Variants in FBXL13 observed in about 807,000 individuals in gnomAD.
The protein encoded by FBXL13 is F-box and leucine-rich repeat protein 13.
In FBXL13, 67 loss-of-function variants were observed where a neutral mutation model predicts 83.6. That is an observed-to-expected ratio of 0.80 (90% CI 0.66 to 0.98). The LOEUF is 0.98. Ranked by LOEUF, FBXL13 falls within the 50% of genes least tolerant of loss-of-function variation. The pLI, the probability that FBXL13 is intolerant of heterozygous loss-of-function variation, is 0.00. For missense variants in FBXL13, 822 were observed against 866.5 expected (o/e 0.95, Z 0.64); for synonymous variants, 272 against 299.5 (o/e 0.91, Z 0.95).
intron 10 of FBXL13, among the ~76,000 whole-genome samples, chr7:102,924,659 T>G (rs1339420709): frequency 1.3e-5 from 2 of 149,900 alleles, no homozygotes; most frequent in East Asian, 3.9e-4. Context: ...TTTTTTTTTT[T>G]GAGATGGGGT....
At chr7:103,037,672 A>C (rs1196595348) in intron 2 of FBXL13, among the ~76,000 whole-genome samples, 2 of 151,854 alleles carry the variant, frequency 1.3e-5, no homozygotes, top group Non-Finnish European at 2.9e-5. Context: ...CAGGTGTGGT[A>C]GCTCACATCT....
chr7:102,835,229 T>A (rs1369977924), intron 17 of FBXL13, among the ~76,000 whole-genome samples: 1 of 152,210 alleles, frequency 6.6e-6, no homozygotes, highest in Non-Finnish European at 1.5e-5. Context: ...CATGAAAGTC[T>A]GTCTTGTCTG....
intron 16 of FBXL13, among the ~76,000 whole-genome samples, chr7:102,867,695 A>ATTTTTTTTTTTT (rs1205859622): frequency 2.0e-5 from 1 of 49,064 alleles, no homozygotes; most frequent in African/African-American, 1.2e-4. Context: ...ATATATATAT[A>ATTTTTTTTTTTT]TTTTTTTTTT....
At chr7:102,812,836 GCTT>G (rs1303295259), downstream of FBXL13, among the ~76,000 whole-genome samples, 26 of 148,040 alleles carry the variant, frequency 1.8e-4, no homozygotes, top group South Asian at 2.1e-4. Context: ...ACTTGATTTG[GCTT>G]CTTTTTTTTT....
chr7:103,072,584 C>G (rs1170607946), intron 1 of FBXL13, among the ~76,000 whole-genome samples: 1 of 152,136 alleles, frequency 6.6e-6, no homozygotes, highest in Non-Finnish European at 1.5e-5. Flanking sequence ...TGTACCCTGA[C>G]TCTCAACTCA....
intron 1 of FBXL13, among the ~76,000 whole-genome samples, chr7:103,073,190 C>T (rs534418503): frequency 6.6e-6 from 1 of 152,186 alleles, no homozygotes; most frequent in East Asian, 1.9e-4. Flanking sequence ...TCTATGCATG[C>T]ACTATTGTCT....
At chr7:102,963,388 T>C in intron 8 of FBXL13, 145 bp downstream of exon 9, 1 of 940,368 alleles carries the variant, frequency 1.1e-6, no homozygotes, top group Non-Finnish European at 1.6e-6. Context: ...CTGCACTATA[T>C]TATACACTTA....
chr7:103,071,703 A>G (rs548135555), intron 1 of FBXL13, among the ~76,000 whole-genome samples: 12 of 152,022 alleles, frequency 7.9e-5, no homozygotes, highest in African/African-American at 2.9e-4. Context: ...CCTGATTTTT[A>G]AAAAAATCAG....
chr7:103,026,616 T>TTA (rs1793941738), intron 5 of FBXL13, among the ~76,000 whole-genome samples: 24 of 152,218 alleles, frequency 1.6e-4, no homozygotes, highest in Non-Finnish European at 2.9e-4. Context: ...TCTCAAGTAA[T>TTA]CTCTGAGATG....
chr7:102,843,708 G>A (rs1439383741), intron 17 of FBXL13, among the ~76,000 whole-genome samples: 5 of 152,076 alleles, frequency 3.3e-5, no homozygotes, highest in African/African-American at 7.2e-5. Flanking sequence ...CCCAGGCGGC[G>A]GAGGTTGCAA....
rs541741048 is a variant in FBXL13, at chr7:102,903,522, C to T, written c.1008+9564G>A. On this transcript the variant is annotated intron_variant, in intron 11 of 19. Coordinates refer to ENST00000313221, the Ensembl canonical transcript of FBXL13. ...TTAAGAAGAAAGGCTTTCAGTTTTT[C>T]CCTATTCAGTATGATACTAGCTGTG... Among the ~76,000 whole-genome samples the T allele has an allele frequency of 4.6e-5, 7 of 152,158 alleles. No homozygotes were observed. The South Asian group carries it at 1.5e-3, about 32-fold the overall frequency.
At chr7:103,006,299 G>A (rs185231578) in intron 6 of FBXL13, among the ~76,000 whole-genome samples, 17 of 152,268 alleles carry the variant, frequency 1.1e-4, no homozygotes, top group East Asian at 7.7e-4. Context: ...GTCTTTGACC[G>A]TATTCTAAGC....
At chr7:103,056,163 G>A (rs1396225429) in intron 1 of FBXL13, among the ~76,000 whole-genome samples, 1 of 152,102 alleles carries the variant, frequency 6.6e-6, no homozygotes. Context: ...CATCCAGGTT[G>A]CTGTGAATGC....
At chr7:102,834,134 G>GA (rs751225473) in intron 17 of FBXL13, among the ~76,000 whole-genome samples, 841 of 82,070 alleles carry the variant, frequency 0.01, 10 homozygotes, top group Middle Eastern at 0.027. Flanking sequence ...AAGAAAGAAA[G>GA]AAAGAAAAGA....
At chr7:102,907,786 T>A (rs1813991711) in intron 11 of FBXL13, among the ~76,000 whole-genome samples, 1 of 152,176 alleles carries the variant, frequency 6.6e-6, no homozygotes, top group Non-Finnish European at 1.5e-5. Flanking sequence ...AACAAGACAT[T>A]TATGCAGCCA....
At chr7:103,024,528 CAAAAA>C (rs11318355) in intron 6 of FBXL13, among the ~76,000 whole-genome samples, 15 of 46,780 alleles carry the variant, frequency 3.2e-4, no homozygotes, top group Middle Eastern at 0.015. Flanking sequence ...AACTCCATCT[CAAAAA>C]AAAAAAAAAA....
chr7:102,855,639 C>T lies in FBXL13; in HGVS notation c.1636-779G>A, dbSNP rs142052456. On this transcript the variant is annotated intron_variant, in intron 16 of 19. Coordinates refer to ENST00000313221, the Ensembl canonical transcript of FBXL13. ...TGGACAAGAGCAGGGTTGTTCCCCC[C>T]ACCACCCCCCAACCCACCCCTCACC... Among the ~76,000 whole-genome samples the T allele has an allele frequency of 1.1e-3, 165 of 151,858 alleles. 3 individuals are homozygous for T. In the East Asian group the frequency reaches 0.028, roughly 25 times the overall value.
intron 6 of FBXL13, among the ~76,000 whole-genome samples, chr7:102,989,660 A>G (rs573412917): frequency 1.5e-4 from 23 of 152,228 alleles, no homozygotes; most frequent in Non-Finnish European, 1.2e-4. Context: ...GGGCGAGTCT[A>G]TCTGATTCAG....
chr7:102,986,371 A>C (rs1031090358), intron 6 of FBXL13, among the ~76,000 whole-genome samples: 1 of 152,202 alleles, frequency 6.6e-6, no homozygotes, highest in African/African-American at 2.4e-5. Flanking sequence ...CCACATTCCC[A>C]TGTAGACCTT....
Sources: allele counts gnomAD v4.1 joint callset (sites outside exome capture counted in the v4.1 genomes callset), GRCh38; gene constraint gnomAD v4.1.1; transcripts MANE v1.5; gene names NCBI Gene and HGNC (gene_info 2026-07-23, HGNC 2026-07-21).